PRKCA: variants seen among roughly 807,000 people sequenced by gnomAD.
PRKCA encodes protein kinase C alpha, also known as protein kinase C alpha type.
PRKCA carries 27 observed loss-of-function variants against 87.0 expected under a neutral mutation model. That is an observed-to-expected ratio of 0.31 (90% confidence interval 0.23 to 0.43). The LOEUF (loss-of-function observed/expected upper bound fraction) is 0.43, where lower values mean the gene tolerates loss of function less well. PRKCA is among the 20% of genes least tolerant of loss of function. The probability of loss-of-function intolerance (pLI) is 1.00; values close to 1 mark genes in which losing one functional copy is unlikely to be tolerated. For missense variants in PRKCA, 518 were observed against 852.3 expected, an observed-to-expected ratio of 0.61 and a Z score of 4.88; for synonymous variants, 329 against 311.1, an observed-to-expected ratio of 1.06 and a Z score of -0.61.
chr17:66,374,738 T>TTTC (rs1909322785), intron 2 of PRKCA, among the ~76,000 whole-genome samples: 1 of 149,356 alleles, frequency 6.7e-6, no homozygotes, highest in East Asian at 2.0e-4. Context: ...TTTTTTTTTT[T>TTTC]TCTTTCTGAG....
At chr17:66,317,344 A>T (rs1384387119) in intron 2 of PRKCA, among the ~76,000 whole-genome samples, 1 of 152,092 alleles carries the variant, frequency 6.6e-6, no homozygotes, top group Non-Finnish European at 1.5e-5. Flanking sequence ...CCTAGTTTGG[A>T]GTATTAGTTT....
At chr17:66,417,441 C>T (rs1414152259) in intron 2 of PRKCA, among the ~76,000 whole-genome samples, 2 of 152,028 alleles carry the variant, frequency 1.3e-5, no homozygotes, top group East Asian at 3.9e-4. Context: ...TCTTACTGTC[C>T]TGTGTTGCCT....
chr17:66,669,037 G>A (rs537873815), intron 5 of PRKCA, among the ~76,000 whole-genome samples: 2 of 152,078 alleles, frequency 1.3e-5, no homozygotes, highest in South Asian at 4.2e-4. Context: ...ATGAGTTCAA[G>A]GCTGCAGTGA....
At chr17:66,535,046 C>T (rs1383432455) in intron 3 of PRKCA, among the ~76,000 whole-genome samples, 1 of 152,190 alleles carries the variant, frequency 6.6e-6, no homozygotes, top group Non-Finnish European at 1.5e-5. Context: ...CTGTTCTCAG[C>T]ACTTCATGTG....
At chr17:66,740,408 G>A (rs1406071429) in intron 11 of PRKCA, among the ~76,000 whole-genome samples, 1 of 152,138 alleles carries the variant, frequency 6.6e-6, no homozygotes, top group Non-Finnish European at 1.5e-5. Flanking sequence ...AGGAAACCTC[G>A]GGGGCATGTA....
At chr17:66,439,639 A>G (rs1424046849) in intron 2 of PRKCA, among the ~76,000 whole-genome samples, 1 of 152,166 alleles carries the variant, frequency 6.6e-6, no homozygotes, top group Non-Finnish European at 1.5e-5. Flanking sequence ...TTACAGTTTG[A>G]GATCCTTCAC....
intron 2 of PRKCA, chr17:66,306,339 A>G (rs1904815282): frequency 5.0e-6 from 2 of 399,752 alleles, no homozygotes. Flanking sequence ...AAAAAAAAAA[A>G]AAAGCCTTTC....
intron 2 of PRKCA, among the ~76,000 whole-genome samples, chr17:66,398,377 A>G (rs188832459): frequency 3.9e-5 from 6 of 152,334 alleles, no homozygotes; most frequent in African/African-American, 1.4e-4. Context: ...TCAAAACCCA[A>G]CCACACTTTT....
chr17:66,483,850 G>A (rs1274033057), intron 2 of PRKCA, among the ~76,000 whole-genome samples: 2 of 152,084 alleles, frequency 1.3e-5, no homozygotes, highest in Non-Finnish European at 2.9e-5. Context: ...AATTATATCT[G>A]CAGCAGCCCT....
chr17:66,452,401 A>T (rs1404294134), intron 2 of PRKCA, among the ~76,000 whole-genome samples: 1 of 152,238 alleles, frequency 6.6e-6, no homozygotes, highest in Non-Finnish European at 1.5e-5. Context: ...GTGAGGCTTA[A>T]CAGGAAGACA....
At chr17:66,460,544 G>A (rs1914797245) in intron 2 of PRKCA, among the ~76,000 whole-genome samples, 1 of 152,236 alleles carries the variant, frequency 6.6e-6, no homozygotes, top group Non-Finnish European at 1.5e-5. Flanking sequence ...GTGCAGACAG[G>A]GAGAAGAACT....
chr17:66,731,468 G>C (rs1241119966), intron 8 of PRKCA, among the ~76,000 whole-genome samples: 1 of 152,002 alleles, frequency 6.6e-6, no homozygotes, highest in Non-Finnish European at 1.5e-5. Flanking sequence ...AGCAGCTGAC[G>C]CTTCTTACAA....
At position 66,810,169 on chromosome 17, in the gene PRKCA, G is replaced by A. The variant is rs138625385; in HGVS notation, c.*6132G>A. The A allele has an allele frequency of 3.9e-4, 60 of 152,222 alleles. 1 individual carries two copies. In the East Asian group the frequency reaches 0.01, roughly 25 times the overall value. 9.4% of individuals were successfully genotyped at this position (152,222 alleles called of 1,614,324 possible). Reference sequence around the variant, plus strand: ...GTGGCTTTGCATTTTCTGATTAAACGACTGTGTCTTTGTCACCTCTGCTTA... The same window carrying A: ...GTGGCTTTGCATTTTCTGATTAAACAACTGTGTCTTTGTCACCTCTGCTTA... On this transcript the variant is annotated 3_prime_UTR_variant, in exon 17 of 17. Transcript: ENST00000413366.
chr17:66,568,397 G>A (rs1968962637), intron 3 of PRKCA, among the ~76,000 whole-genome samples: 1 of 152,160 alleles, frequency 6.6e-6, no homozygotes, highest in African/African-American at 2.4e-5. Flanking sequence ...CCACCAGCTT[G>A]TTCTGGGAGC....
chr17:66,576,873 C>CTTTT (rs66875614), intron 3 of PRKCA, among the ~76,000 whole-genome samples: 14 of 138,340 alleles, frequency 1.0e-4, no homozygotes, highest in African/African-American at 2.7e-4. Flanking sequence ...TGGTGATGTA[C>CTTTT]TTTTTTTTTT....
At chr17:66,437,826 A>G (rs1338152379) in intron 2 of PRKCA, among the ~76,000 whole-genome samples, 1 of 150,798 alleles carries the variant, frequency 6.6e-6, no homozygotes, top group Non-Finnish European at 1.5e-5. Flanking sequence ...CTCATAGGTG[A>G]ACTCATCTCC....
At chr17:66,498,954 A>G (rs531047871) in intron 3 of PRKCA, among the ~76,000 whole-genome samples, 1 of 152,274 alleles carries the variant, frequency 6.6e-6, no homozygotes, top group South Asian at 2.1e-4. Flanking sequence ...GGGGCCCAGG[A>G]AAGAGTTTAA....
intron 3 of PRKCA, among the ~76,000 whole-genome samples, chr17:66,632,380 GTTTGTTT>G (rs779153209): frequency 5.2e-4 from 79 of 151,956 alleles, no homozygotes; most frequent in Non-Finnish European, 8.4e-4. Context: ...TTTTTTGTTT[GTTTGTTT>G]TTTGTTTTTT....
intron 3 of PRKCA, among the ~76,000 whole-genome samples, chr17:66,578,180 T>A (rs1969301690): frequency 1.3e-5 from 2 of 151,812 alleles, no homozygotes; most frequent in South Asian, 4.2e-4. Context: ...TGTCTCCCTT[T>A]GATATTTGCC....
Sources: allele counts gnomAD v4.1 joint callset (sites outside exome capture counted in the v4.1 genomes callset), GRCh38; gene constraint gnomAD v4.1.1; transcripts MANE v1.5; gene names NCBI Gene and HGNC (gene_info 2026-07-23, HGNC 2026-07-21).